Variants in LRRC7 observed in about 807,000 individuals in gnomAD.
LRRC7 encodes the protein leucine rich repeat containing 7.
In LRRC7, 23 loss-of-function variants were observed where a neutral mutation model predicts 175.7. The ratio of observed to expected loss-of-function variants is 0.13; its 90% CI spans 0.09 to 0.19. LRRC7 has a LOEUF of 0.19. Ranked by LOEUF, LRRC7 falls within the 10% of genes least tolerant of loss-of-function variation. The pLI, the probability that LRRC7 is intolerant of heterozygous loss-of-function variation, is 1.00. For synonymous variants in LRRC7, 685 were observed against 680.9 expected (o/e 1.01, Z -0.09); for missense variants, 1,354 against 1,904.7 (o/e 0.71, Z 5.38).
At chr1:69,838,319 G>T in intron 7 of LRRC7, 36 bp downstream of exon 7, 2 of 1,506,314 alleles carry the variant, frequency 1.3e-6, no homozygotes, top group East Asian at 2.3e-5. Flanking sequence ...TTTGAACTGT[G>T]ATTTTTTTCA....
chr1:69,974,666 C>A (rs1279024015), intron 8 of LRRC7, among the ~76,000 whole-genome samples: 1 of 152,166 alleles, frequency 6.6e-6, no homozygotes, highest in East Asian at 1.9e-4. Context: ...GCTATTGTAT[C>A]ATTTTATGTT....
intron 1 of LRRC7, among the ~76,000 whole-genome samples, chr1:69,662,091 C>T (rs1205796373): frequency 6.6e-6 from 1 of 152,106 alleles, no homozygotes. Context: ...TTGAATCTGG[C>T]TTTGCAGTGA....
In LRRC7 at chr1:69,733,056, A is replaced by G. The variant is rs115883164; in HGVS notation, c.101-27135A>G. On this transcript the variant is annotated intron_variant, in intron 2 of 26. Coordinates refer to ENST00000651989, the MANE Select transcript of LRRC7 (RefSeq NM_001370785.2). ...CAATTTAAGAAAAAATACATAGAAC[A>G]TGTATTTTCTTATCTATTTAAGACA... 9.3e-3 allele frequency among the ~76,000 whole-genome samples: 1,416 copies of G among 152,140 alleles called. 20 individuals carry two copies. The highest frequency in any genetic ancestry group is 0.032 in the African/African-American group (1,341 of 41,548).
chr1:70,113,867 A>G (rs551790042), intron 26 of LRRC7, among the ~76,000 whole-genome samples: 4 of 152,308 alleles, frequency 2.6e-5, no homozygotes, highest in African/African-American at 9.6e-5. Context: ...ATATTTAACC[A>G]TACAGTCCTC....
At chr1:70,041,910 G>C (rs1280219926) in intron 21 of LRRC7, among the ~76,000 whole-genome samples, 1 of 152,114 alleles carries the variant, frequency 6.6e-6, no homozygotes, top group Non-Finnish European at 1.5e-5. Context: ...AAAGTTTGGA[G>C]GCCCTGCCTA....
chr1:70,016,194 A>G (rs1474904488), intron 13 of LRRC7, among the ~76,000 whole-genome samples: 1 of 152,194 alleles, frequency 6.6e-6, no homozygotes, highest in Non-Finnish European at 1.5e-5. Context: ...AGAGTTGCAG[A>G]TAAACTTCTG....
intron 3 of LRRC7, among the ~76,000 whole-genome samples, chr1:69,783,835 A>G (rs1171047716): frequency 6.6e-6 from 1 of 151,828 alleles, no homozygotes; most frequent in African/African-American, 2.4e-5. Flanking sequence ...ACTTCATATC[A>G]TTCTCAAAAA....
At chr1:69,650,519 G>A (rs1332760814) in intron 1 of LRRC7, among the ~76,000 whole-genome samples, 1 of 70,872 alleles carries the variant, frequency 1.4e-5, no homozygotes, top group South Asian at 5.8e-4. Context: ...CAGCCTGGGC[G>A]AAAAAGAGAG....
chr1:69,701,843 G>A (rs1663394207), intron 2 of LRRC7, among the ~76,000 whole-genome samples: 1 of 152,180 alleles, frequency 6.6e-6, no homozygotes, highest in East Asian at 1.9e-4. Context: ...TTAGTGCACA[G>A]AGGATATTCA....
At chr1:69,928,534 G>A (rs1170155607) in intron 7 of LRRC7, among the ~76,000 whole-genome samples, 5 of 152,204 alleles carry the variant, frequency 3.3e-5, no homozygotes, top group Non-Finnish European at 5.9e-5. Flanking sequence ...CCCCAGCGTT[G>A]CTGCCGCCTT....
chr1:70,064,426 T>C (rs932724108), intron 23 of LRRC7, among the ~76,000 whole-genome samples: 1 of 151,870 alleles, frequency 6.6e-6, no homozygotes, highest in African/African-American at 2.4e-5. Context: ...AGGTATGAAA[T>C]TGAGCGATAC....
At chr1:69,840,052 T>G (rs1681556078) in intron 7 of LRRC7, among the ~76,000 whole-genome samples, 1 of 152,016 alleles carries the variant, frequency 6.6e-6, no homozygotes, top group South Asian at 2.1e-4. Context: ...GTTGGGTCTC[T>G]TTGATAGACT....
At chr1:69,707,603 T>C (rs1458342689) in intron 2 of LRRC7, among the ~76,000 whole-genome samples, 3 of 152,232 alleles carry the variant, frequency 2.0e-5, no homozygotes, top group Non-Finnish European at 1.5e-5. Context: ...ATATAATCTC[T>C]AATCACCTAA....
intron 8 of LRRC7, among the ~76,000 whole-genome samples, chr1:69,946,744 T>C (rs1165429129): frequency 6.6e-6 from 1 of 151,976 alleles, no homozygotes; most frequent in Non-Finnish European, 1.5e-5. Context: ...TTGCATGGAA[T>C]ATCTTTTTTC....
intron 8 of LRRC7, among the ~76,000 whole-genome samples, chr1:69,950,916 A>C (rs996635081): frequency 2.0e-5 from 3 of 152,106 alleles, no homozygotes; most frequent in African/African-American, 7.2e-5. Flanking sequence ...AAGGAAATTG[A>C]GTAGGAAAAG....
chr1:69,881,614 C>T (rs577296298), intron 7 of LRRC7, among the ~76,000 whole-genome samples: 128 of 152,066 alleles, frequency 8.4e-4, no homozygotes, highest in Non-Finnish European at 1.4e-3. Context: ...TATGGTGACT[C>T]GCACCTATAA....
chr1:70,024,555 T>G (rs1182843766), intron 17 of LRRC7, among the ~76,000 whole-genome samples: 1 of 152,084 alleles, frequency 6.6e-6, no homozygotes, highest in Non-Finnish European at 1.5e-5. Context: ...ATATGTGAAC[T>G]GAGCAAATAC....
intron 2 of LRRC7, among the ~76,000 whole-genome samples, chr1:69,726,522 AAC>A (rs1170451508): frequency 6.6e-6 from 1 of 152,176 alleles, no homozygotes; most frequent in Non-Finnish European, 1.5e-5. Flanking sequence ...GGCTACCAGG[AAC>A]AGTCATTGGA....
intron 2 of LRRC7, among the ~76,000 whole-genome samples, chr1:69,725,372 A>G (rs746690956): frequency 6.6e-6 from 1 of 152,162 alleles, no homozygotes; most frequent in African/African-American, 2.4e-5. Context: ...GGTCAACTGT[A>G]CTAACTCCAA....
Sources: allele counts gnomAD v4.1 joint callset (sites outside exome capture counted in the v4.1 genomes callset), GRCh38; gene constraint gnomAD v4.1.1; transcripts MANE v1.5; gene names NCBI Gene and HGNC (gene_info 2026-07-23, HGNC 2026-07-21).